The following GRIP1 variants were observed in gnomAD, a reference collection of about 807,000 sequenced individuals.
The protein encoded by GRIP1 is glutamate receptor-interacting protein 1.
Under a neutral mutation model 129.9 loss-of-function variants are expected in GRIP1, and 45 were observed. The ratio of observed to expected loss-of-function variants is 0.35; its 90% CI spans 0.27 to 0.44. GRIP1 has a LOEUF of 0.44. Among genes scored for constraint, GRIP1 ranks in the 20% least tolerant of loss-of-function variants. GRIP1 has a pLI of 1.00. For missense variants in GRIP1, 1,196 were observed against 1,396.8 expected (o/e 0.86, Z 2.29); for synonymous variants, 530 against 520.8 (o/e 1.02, Z -0.24).
chr12:66,450,938 G>A (rs567690369), intron 11 of GRIP1, among the ~76,000 whole-genome samples: 16 of 152,240 alleles, frequency 1.1e-4, no homozygotes, highest in South Asian at 6.2e-4. Flanking sequence ...ATATTCCCCC[G>A]TCATTTGAAA....
chr12:66,904,885 C>T (rs1327672818), intron 1 of GRIP1, among the ~76,000 whole-genome samples: 9 of 141,952 alleles, frequency 6.3e-5, no homozygotes, highest in Non-Finnish European at 1.1e-4. Context: ...AATGAGACTC[C>T]GTCTCAAAAA....
intron 1 of GRIP1, among the ~76,000 whole-genome samples, chr12:66,685,690 G>T (rs1039468098): frequency 1.3e-5 from 2 of 152,078 alleles, no homozygotes; most frequent in African/African-American, 4.8e-5. Flanking sequence ...TTAGATCAAG[G>T]GAAGAAATTA....
chr12:66,360,693 T>G (rs562131168), intron 23 of GRIP1, among the ~76,000 whole-genome samples: 1 of 152,352 alleles, frequency 6.6e-6, no homozygotes, highest in Non-Finnish European at 1.5e-5. Context: ...TCTAAGCAAG[T>G]CTACCGACAT....
At chr12:66,439,516 A>AGTAGT (rs3047974) in intron 13 of GRIP1, among the ~76,000 whole-genome samples, 10,819 of 151,886 alleles carry the variant, frequency 0.071, 978 homozygotes, top group East Asian at 0.22. Flanking sequence ...TTTCAAACAC[A>AGTAGT]GTAGTGTAGT....
chr12:66,377,638 C>CTTT (rs3045282), intron 20 of GRIP1, among the ~76,000 whole-genome samples: 2 of 124,612 alleles, frequency 1.6e-5, no homozygotes, highest in Non-Finnish European at 3.3e-5. Flanking sequence ...CGCACCCGGC[C>CTTT]TTTTTTTTTT....
upstream of GRIP1, among the ~76,000 whole-genome samples, chr12:66,804,599 C>T (rs940240339): frequency 2.0e-4 from 30 of 152,090 alleles, no homozygotes; most frequent in Non-Finnish European, 3.7e-4. Flanking sequence ...TATCCAATAT[C>T]TCCATCATCT....
At chr12:67,004,874 T>C (rs1481975402) in intron 1 of GRIP1, among the ~76,000 whole-genome samples, 2 of 152,058 alleles carry the variant, frequency 1.3e-5, no homozygotes, top group African/African-American at 4.8e-5. Flanking sequence ...GGCACAATCA[T>C]GAACAAATAC....
At chr12:66,836,784 T>C (rs1467277282) in intron 1 of GRIP1, among the ~76,000 whole-genome samples, 1 of 152,204 alleles carries the variant, frequency 6.6e-6, no homozygotes, top group Non-Finnish European at 1.5e-5. Flanking sequence ...CTATCATTAA[T>C]AGGCCTCATT....
chr12:66,734,532 G>A lies in GRIP1; in HGVS notation c.-420+69521C>T, dbSNP rs549517473. Among the ~76,000 whole-genome samples, 70 of 152,080 alleles carry A rather than the reference G, an allele frequency of 4.6e-4. 1 individual carries two copies. The highest frequency in any genetic ancestry group is 4.9e-4 in the Non-Finnish European group (33 of 68,020). On this transcript the variant is annotated intron_variant, in intron 1 of 4. Transcript: ENST00000538373. ...AAAATTAAAATCACCCCTCTGAACTGTACTTTAAAGAAGGAAACAAGAGTC... is the reference window on the plus strand; with the variant it reads ...AAAATTAAAATCACCCCTCTGAACTATACTTTAAAGAAGGAAACAAGAGTC...
chr12:66,635,967 G>A (rs1002264629), intron 1 of GRIP1, among the ~76,000 whole-genome samples: 2 of 152,138 alleles, frequency 1.3e-5, no homozygotes, highest in South Asian at 2.1e-4. Flanking sequence ...GTGTTCATAG[G>A]AGCATTCTTC....
At chr12:66,997,175 A>G (rs1221490202) in intron 1 of GRIP1, among the ~76,000 whole-genome samples, 1 of 152,162 alleles carries the variant, frequency 6.6e-6, no homozygotes, top group Admixed American at 6.5e-5. Context: ...AATTTAATAC[A>G]AAATTACAAA....
intron 1 of GRIP1, among the ~76,000 whole-genome samples, chr12:66,768,771 T>C (rs182624915): frequency 1.8e-3 from 277 of 152,312 alleles, no homozygotes; most frequent in African/African-American, 6.1e-3. Flanking sequence ...ATGCTTAGTT[T>C]TTCACATAAC....
intron 23 of GRIP1, among the ~76,000 whole-genome samples, chr12:66,365,676 T>A (rs73331052): frequency 0.044 from 6,697 of 152,258 alleles, 379 homozygotes; most frequent in African/African-American, 0.11. Context: ...GTCAAACTGA[T>A]AAGTGACTGG....
intron 1 of GRIP1, among the ~76,000 whole-genome samples, chr12:66,671,359 G>A (rs1480411806): frequency 1.3e-5 from 2 of 152,046 alleles, no homozygotes; most frequent in Non-Finnish European, 2.9e-5. Flanking sequence ...CACTCACACT[G>A]TCTTGCCTGG....
At chr12:66,443,401 T>G (rs566192800) in intron 13 of GRIP1, among the ~76,000 whole-genome samples, 1 of 152,286 alleles carries the variant, frequency 6.6e-6, no homozygotes, top group African/African-American at 2.4e-5. Context: ...TTTGGAGTTG[T>G]GTTCAATCTC....
chr12:66,372,406 ATG>A (rs2137301791), intron 22 of GRIP1: 1 of 231,286 alleles, frequency 4.3e-6, no homozygotes, highest in Non-Finnish European at 8.6e-6. Flanking sequence ...CTGGAAAGGG[ATG>A]ACTGATATAA....
chr12:66,633,580 C>T (rs908963388), intron 1 of GRIP1, among the ~76,000 whole-genome samples: 1 of 152,078 alleles, frequency 6.6e-6, no homozygotes, highest in Admixed American at 6.6e-5. Context: ...AAGATGGCCA[C>T]ATTTTTTTTC....
At chr12:66,631,627 T>A (rs200324386) in intron 1 of GRIP1, among the ~76,000 whole-genome samples, 1 of 91,624 alleles carries the variant, frequency 1.1e-5, no homozygotes, top group African/African-American at 4.2e-5. Context: ...CTCTCTCTTT[T>A]TAATACGATG....
chr12:66,468,972 G>A (rs11176205), intron 7 of GRIP1, among the ~76,000 whole-genome samples: 75,570 of 151,984 alleles, frequency 0.5, 19,113 homozygotes, highest in Middle Eastern at 0.65. Context: ...AAAAACAACA[G>A]GTGTAATATT....
Sources: allele counts gnomAD v4.1 joint callset (sites outside exome capture counted in the v4.1 genomes callset), GRCh38; gene constraint gnomAD v4.1.1; transcripts MANE v1.5; gene names NCBI Gene and HGNC (gene_info 2026-07-23, HGNC 2026-07-21).